The following CRACD variants were observed in gnomAD, a reference collection of about 807,000 sequenced individuals.
CRACD encodes capping protein-inhibiting regulator of actin dynamics.
Under a neutral mutation model 106.8 loss-of-function variants are expected in CRACD, and 56 were observed. That is an observed-to-expected ratio of 0.52 (90% CI 0.42 to 0.66). The LOEUF (loss-of-function observed/expected upper bound fraction) is 0.66, where lower values mean the gene tolerates loss of function less well. CRACD is among the 30% of genes least tolerant of loss of function. The pLI is 0.00. For missense variants in CRACD, 1,730 were observed against 1,623.2 expected (o/e 1.07, Z -1.13); for synonymous variants, 754 against 670.8 (o/e 1.12, Z -1.92).
At chr4:56,299,248 A>G (rs1317611222) in intron 4 of CRACD, among the ~76,000 whole-genome samples, 1 of 152,168 alleles carries the variant, frequency 6.6e-6, no homozygotes, top group Non-Finnish European at 1.5e-5. Flanking sequence ...TACCTCCCTA[A>G]CAATGAAAAT....
intron 6 of CRACD, among the ~76,000 whole-genome samples, chr4:56,312,828 G>A (rs151316876): frequency 1.9e-4 from 29 of 152,308 alleles, no homozygotes; most frequent in African/African-American, 6.7e-4. Context: ...AAGACAATGG[G>A]TGTAGCTGTG....
intron 2 of CRACD, among the ~76,000 whole-genome samples, chr4:56,211,009 T>C (rs181869751): frequency 1.7e-3 from 262 of 152,334 alleles, no homozygotes; most frequent in African/African-American, 6.0e-3. Flanking sequence ...ATATTAAAAA[T>C]ATTGAAATCT....
At chr4:56,275,823 C>G (rs1251136931) in intron 3 of CRACD, among the ~76,000 whole-genome samples, 8 of 152,176 alleles carry the variant, frequency 5.3e-5, no homozygotes, top group Non-Finnish European at 1.0e-4. Flanking sequence ...TAGATTTCAG[C>G]CCAATGTGAG....
intron 1 of CRACD, among the ~76,000 whole-genome samples, chr4:56,137,032 T>C (rs9790780): frequency 1.3e-5 from 2 of 152,030 alleles, no homozygotes; most frequent in African/African-American, 4.8e-5. Flanking sequence ...TGGCATACAT[T>C]TATGGTTCTA....
At chr4:56,173,606 A>G (rs1736467352) in intron 1 of CRACD, among the ~76,000 whole-genome samples, 1 of 152,220 alleles carries the variant, frequency 6.6e-6, no homozygotes, top group African/African-American at 2.4e-5. Flanking sequence ...TCAGACTTGA[A>G]ACCATACATA....
chr4:56,093,526 T>C (rs1733497637), intron 1 of CRACD, among the ~76,000 whole-genome samples: 1 of 152,204 alleles, frequency 6.6e-6, no homozygotes. Context: ...ACATGGAACC[T>C]GGCCTTGTGT....
rs141769798 is a variant in CRACD, at chr4:56,098,784, C to T, written c.-336+49485C>T. Among the ~76,000 whole-genome samples the T allele has an allele frequency of 9.0e-3, 1,365 of 152,248 alleles. 16 individuals carry two copies. Among genetic ancestry groups the T allele is most frequent in the Admixed American group, 0.026 (403 of 15,296 alleles). Reference sequence around the variant, plus strand: ...TTGGCTCAGTGCAACCTCTGCCTCCCGGGTTCAAGCAATTCTCGTGCCTCA... The same window carrying T: ...TTGGCTCAGTGCAACCTCTGCCTCCTGGGTTCAAGCAATTCTCGTGCCTCA... On this transcript the variant is annotated intron_variant, in intron 1 of 10. Coordinates refer to ENST00000682029, the MANE Select transcript of CRACD (RefSeq NM_001393381.1).
intron 2 of CRACD, among the ~76,000 whole-genome samples, chr4:56,203,195 A>G (rs937940869): frequency 1.3e-5 from 2 of 152,238 alleles, no homozygotes; most frequent in African/African-American, 4.8e-5. Context: ...CAGCAAGTAA[A>G]GAAATTTCCC....
intron 2 of CRACD, among the ~76,000 whole-genome samples, chr4:56,190,786 A>T (rs149784907): frequency 1.9e-3 from 292 of 152,248 alleles, no homozygotes; most frequent in African/African-American, 6.6e-3. Flanking sequence ...TCACAGCTCC[A>T]CTAGGCAGTG....
chr4:56,305,042 A>G (rs1744601034), intron 4 of CRACD, among the ~76,000 whole-genome samples: 1 of 151,944 alleles, frequency 6.6e-6, no homozygotes, highest in Non-Finnish European at 1.5e-5. Flanking sequence ...CATCATGGTG[A>G]GACCCCGTCA....
At chr4:56,131,968 G>A (rs13107227) in intron 1 of CRACD, among the ~76,000 whole-genome samples, 103,499 of 152,126 alleles carry the variant, frequency 0.68, 36,168 homozygotes, top group African/African-American at 0.84. Flanking sequence ...ATGTAAATAC[G>A]TAGAAAACTT....
intron 3 of CRACD, among the ~76,000 whole-genome samples, chr4:56,286,565 A>G (rs1296035377): frequency 1.3e-5 from 2 of 149,362 alleles, no homozygotes; most frequent in African/African-American, 2.4e-5. Context: ...GTAGGGTTTC[A>G]GAGAAAGCTG....
rs765885786 is a variant in CRACD, at chr4:56,298,297, C to G, written c.68C>G (p.Thr23Arg). Residue 23 changes from threonine to arginine, a missense_variant, in exon 4 of 11, where the codon ACA (threonine) becomes AGA (arginine). By Grantham distance (71) the Thr-to-Arg change is moderately conservative. This residue lies in a region of CRACD where 1,620 missense variants were observed against 1,481.6 expected (regional missense o/e 1.09). Transcript: ENST00000682029. ...IPDGGAESEQ[T>R]VQAMSQDNIL... is the part of the protein sequence containing the mutation. Reference sequence around the variant, plus strand: ...GATGGGGGAGCAGAAAGTGAGCAGACAGTTCAAGCAATGTCACAGGACAAC... The same window carrying G: ...GATGGGGGAGCAGAAAGTGAGCAGAGAGTTCAAGCAATGTCACAGGACAAC... The G allele has an allele frequency of 6.2e-7, 1 of 1,614,142 alleles. No homozygotes were observed. Among genetic ancestry groups the G allele is most frequent in the Non-Finnish European group, 8.5e-7 (1 of 1,180,018 alleles).
chr4:56,057,799 A>AT lies in CRACD; in HGVS notation c.-336+8514dup, dbSNP rs754198915. 2.3e-3 allele frequency among the ~76,000 whole-genome samples: 98 copies of AT among 43,430 alleles called. 3 individuals carry two copies. Among genetic ancestry groups the AT allele is most frequent in the East Asian group, 4.2e-3 (8 of 1,884 alleles). The allele number at this position is 43,430 out of a possible 152,430, so 28.5% of individuals were successfully genotyped here. A position where few individuals can be genotyped will look rare whatever the true frequency, so the allele number is the denominator to read the frequency against. ...CCACCACACCTGGCTCATTTTTTGT[A>AT]TTTTTTTTTTTTTTGTTTTTTTTTT... On this transcript the variant is annotated intron_variant, in intron 1 of 10. Coordinates refer to ENST00000682029, the MANE Select transcript of CRACD (RefSeq NM_001393381.1).
chr4:56,182,990 T>C (rs1026925914), intron 2 of CRACD, among the ~76,000 whole-genome samples: 1 of 151,458 alleles, frequency 6.6e-6, no homozygotes, highest in Non-Finnish European at 1.5e-5. Context: ...CTCAGTACTT[T>C]GGGAGGCCAA....
intron 3 of CRACD, among the ~76,000 whole-genome samples, chr4:56,275,483 G>A (rs1314123519): frequency 1.3e-5 from 2 of 151,972 alleles, no homozygotes; most frequent in East Asian, 3.9e-4. Flanking sequence ...GAAAATAGAA[G>A]TAATTAAAAA....
chr4:56,118,163 A>G (rs1171189130), intron 1 of CRACD, among the ~76,000 whole-genome samples: 1 of 152,232 alleles, frequency 6.6e-6, no homozygotes, highest in Admixed American at 6.5e-5. Context: ...GACGAATGTA[A>G]TGGGTTAAGA....
At chr4:56,301,110 G>A in intron 4 of CRACD, 3 of 590,578 alleles carry the variant, frequency 5.1e-6, no homozygotes, top group Non-Finnish European at 7.9e-6. Context: ...AAAAGGCTTT[G>A]TTCATTCTTT....
chr4:56,300,251 C>G (rs1216612670), intron 4 of CRACD, among the ~76,000 whole-genome samples: 1 of 152,210 alleles, frequency 6.6e-6, no homozygotes. Flanking sequence ...TAACACCCAG[C>G]TAAATGTAGC....
Sources: gnomAD v4.1 joint callset for allele counts (sites outside exome capture counted in the v4.1 genomes callset) on GRCh38, gnomAD v4.1.1 for gene constraint, gnomAD v4.1.1 regional missense constraint, MANE v1.5 for transcripts, NCBI Gene and HGNC (gene_info 2026-07-23, HGNC 2026-07-21) for gene names.